Variants in USP34 observed in about 807,000 individuals in gnomAD.
USP34 encodes the protein ubiquitin carboxyl-terminal hydrolase 34.
USP34 carries 70 observed loss-of-function variants against 460.3 expected under a neutral mutation model. The observed-to-expected ratio is 0.15, with a 90% CI of 0.13 to 0.19. The LOEUF (loss-of-function observed/expected upper bound fraction) is 0.19. USP34 is among the 10% of genes least tolerant of loss of function. The probability of loss-of-function intolerance (pLI) is 1.00; values close to 1 mark genes in which losing one functional copy is unlikely to be tolerated. For missense variants in USP34, 3,985 were observed against 4,236.2 expected (o/e 0.94, Z 1.65); for synonymous variants, 1,647 against 1,405.3 (o/e 1.17, Z -3.85).
At chr2:61,456,352 T>G (rs2104084393) in intron 1 of USP34, among the ~76,000 whole-genome samples, 1 of 152,306 alleles carries the variant, frequency 6.6e-6, no homozygotes, top group South Asian at 2.1e-4. Context: ...CTTTGAACTC[T>G]ATTTCAGGAA....
intron 29 of USP34, among the ~76,000 whole-genome samples, chr2:61,300,118 T>C (rs1443158161): frequency 6.6e-6 from 1 of 152,226 alleles, no homozygotes; most frequent in Non-Finnish European, 1.5e-5. Context: ...ACTGACTTTG[T>C]TACTTTCTCC....
chr2:61,419,297 G>T (rs897944897), intron 2 of USP34, among the ~76,000 whole-genome samples: 1 of 151,680 alleles, frequency 6.6e-6, no homozygotes, highest in Admixed American at 6.6e-5. Flanking sequence ...AGAGGCATGA[G>T]CCACCACACC....
At chr2:61,244,615 G>C (rs1688371057) in intron 51 of USP34, among the ~76,000 whole-genome samples, 1 of 109,412 alleles carries the variant, frequency 9.1e-6, no homozygotes, top group African/African-American at 2.9e-5. Flanking sequence ...ATCCGACTTG[G>C]GGGCAAAAAA....
intron 1 of USP34, among the ~76,000 whole-genome samples, chr2:61,458,780 A>T (rs1341862703): frequency 6.6e-6 from 1 of 151,586 alleles, no homozygotes; most frequent in Non-Finnish European, 1.5e-5. Flanking sequence ...TCTTCCTTAA[A>T]ATCTTGGCGG....
At chr2:61,380,089 G>T in intron 7 of USP34, 80 bp downstream of exon 7, 1 of 1,241,100 alleles carries the variant, frequency 8.1e-7, no homozygotes, top group Non-Finnish European at 1.1e-6. Context: ...AGTATGAAGT[G>T]CTCCATAAAT....
intron 33 of USP34, among the ~76,000 whole-genome samples, chr2:61,292,682 C>A (rs1423629241): frequency 2.0e-5 from 3 of 152,006 alleles, no homozygotes; most frequent in African/African-American, 7.2e-5. Context: ...AAACAAAAAA[C>A]CACAGGAACT....
chr2:61,208,937 G>A lies in USP34; in HGVS notation c.8881C>T (p.Leu2961Phe). The A allele has an allele frequency of 6.3e-7, 1 of 1,595,968 alleles. No homozygotes were observed. Among genetic ancestry groups the A allele is most frequent in the Non-Finnish European group, 8.5e-7 (1 of 1,171,618 alleles). The change falls in exon 70 of 80, where the codon CTT becomes TTT. Residue 2961 changes from leucine to phenylalanine, a missense_variant. Transcript: ENST00000398571. ...ATCAATCCTCGATTAAATACAACAA[G>A]AAGTCTGTCTTCATCAGATTCTAAT... is the stretch of plus-strand genomic sequence containing the variant. Reference protein sequence around the residue: ...ILLESDEDRLLVVFNRGLILM... With the variant: ...ILLESDEDRLFVVFNRGLILM...
At position 61,190,502 on chromosome 2, in the gene USP34, C is replaced by G; in HGVS notation, c.9729+16G>C. ...TAATTAGAAATGACACACTGAGTTT[C>G]CAAAGTACTACGTACCTTTAGAAGG... On this transcript the variant is annotated intron_variant, in intron 77 of 79. Transcript: ENST00000398571. The G allele has an allele frequency of 3.1e-6, 5 of 1,610,116 alleles. No homozygotes were observed. Among genetic ancestry groups the G allele is most frequent in the Non-Finnish European group, 4.2e-6 (5 of 1,178,390 alleles).
At chr2:61,354,237 G>A (rs977794251) in intron 10 of USP34, among the ~76,000 whole-genome samples, 3 of 152,088 alleles carry the variant, frequency 2.0e-5, no homozygotes, top group Non-Finnish European at 4.4e-5. Context: ...AGCCAAAGAC[G>A]AAAATCTCAA....
At chr2:61,378,897 T>C (rs1438547587) in intron 7 of USP34, among the ~76,000 whole-genome samples, 2 of 91,664 alleles carry the variant, frequency 2.2e-5, no homozygotes, top group African/African-American at 4.3e-5. Context: ...AGAGTGAGAG[T>C]CCATCTCAAA....
At chr2:61,344,344 A>C (rs1691695936) in intron 15 of USP34, among the ~76,000 whole-genome samples, 1 of 152,220 alleles carries the variant, frequency 6.6e-6, no homozygotes, top group Non-Finnish European at 1.5e-5. Context: ...AGTCTATAAA[A>C]TGTGAAACCA....
At chr2:61,270,464 T>A (rs998675991) in intron 41 of USP34, among the ~76,000 whole-genome samples, 1 of 152,166 alleles carries the variant, frequency 6.6e-6, no homozygotes, top group African/African-American at 2.4e-5. Context: ...TTTGAGAGTG[T>A]CTTGCTTTGT....
chr2:61,243,687 A>G (rs1688340635), intron 51 of USP34, among the ~76,000 whole-genome samples: 1 of 151,764 alleles, frequency 6.6e-6, no homozygotes, highest in Non-Finnish European at 1.5e-5. Flanking sequence ...CCTAGCCAAC[A>G]TGGTGAAACC....
At chr2:61,386,658 C>G (rs1693155120) in intron 5 of USP34, among the ~76,000 whole-genome samples, 1 of 147,206 alleles carries the variant, frequency 6.8e-6, no homozygotes, top group Admixed American at 6.8e-5. Flanking sequence ...GGCGTGGTGG[C>G]AAGTGCCTGC....
At chr2:61,383,970 T>A (rs1693056501) in intron 5 of USP34, among the ~76,000 whole-genome samples, 1 of 152,194 alleles carries the variant, frequency 6.6e-6, no homozygotes, top group Non-Finnish European at 1.5e-5. Context: ...TACCTCTTTG[T>A]ACGGTAGCAT....
intron 10 of USP34, among the ~76,000 whole-genome samples, chr2:61,365,765 C>T (rs956070669): frequency 2.0e-5 from 3 of 151,878 alleles, no homozygotes; most frequent in Non-Finnish European, 4.4e-5. Flanking sequence ...ATACAAGTAA[C>T]AATAAAAACT....
chr2:61,393,323 C>T (rs1282547600), intron 5 of USP34, among the ~76,000 whole-genome samples: 8 of 149,632 alleles, frequency 5.3e-5, no homozygotes, highest in Admixed American at 2.0e-4. Flanking sequence ...CCCAACTACT[C>T]GGGAGGCTGA....
chr2:61,344,881 G>C (rs752927167), intron 15 of USP34, among the ~76,000 whole-genome samples: 47 of 152,188 alleles, frequency 3.1e-4, no homozygotes, highest in Non-Finnish European at 1.0e-4. Flanking sequence ...CTGAGGAGAT[G>C]CTAGTGGAAT....
At chr2:61,238,527 C>T (rs1688138920) in intron 53 of USP34, among the ~76,000 whole-genome samples, 2 of 152,252 alleles carry the variant, frequency 1.3e-5, no homozygotes, top group South Asian at 4.1e-4. Flanking sequence ...TTTGCTTAAT[C>T]TCTTTTATGC....
Sources: allele counts gnomAD v4.1 joint callset (sites outside exome capture counted in the v4.1 genomes callset), GRCh38; gene constraint gnomAD v4.1.1; transcripts MANE v1.5; gene names NCBI Gene and HGNC (gene_info 2026-07-23, HGNC 2026-07-21).